The following DPP9 variants were observed in gnomAD, a reference collection of about 807,000 sequenced individuals.
DPP9 encodes dipeptidyl peptidase 9.
A neutral mutation model predicts 110.7 loss-of-function variants in DPP9; 50 were observed. The observed-to-expected ratio is 0.45, with a 90% CI of 0.36 to 0.57. DPP9 has a LOEUF of 0.57. Ranked by LOEUF, DPP9 falls within the 20% of genes least tolerant of loss-of-function variation. DPP9 has a pLI of 0.00. For synonymous variants in DPP9, 561 were observed against 514.4 expected (o/e 1.09, Z -1.23); for missense variants, 1,022 against 1,217.9 (o/e 0.84, Z 2.39).
At chr19:4,708,780 T>TTGGAGGG (rs751648072) in intron 4 of DPP9, among the ~76,000 whole-genome samples, 105 of 152,214 alleles carry the variant, frequency 6.9e-4, no homozygotes, top group Non-Finnish European at 1.1e-3. Context: ...CTGGGGCCTA[T>TTGGAGGG]TGGAGGGTGG....
chr19:4,705,006 A>G (rs1220257575), intron 5 of DPP9, among the ~76,000 whole-genome samples: 3 of 152,002 alleles, frequency 2.0e-5, no homozygotes, highest in Non-Finnish European at 2.9e-5. Flanking sequence ...TCAAAAAAAA[A>G]AGCAGAATCA....
In DPP9 at chr19:4,684,510, T is replaced by A; in HGVS notation, c.2178+153A>T. On this transcript the variant is annotated intron_variant, in intron 18 of 21. Coordinates refer to ENST00000262960, the MANE Select transcript of DPP9 (RefSeq NM_139159.5). The surrounding 1 kb of genome is among the most constrained non-coding windows in gnomAD (Gnocchi z 4.8). ...GCAAAGCATACATCCCCTTTTGTTC[T>A]AAAAGGGCGCCTCATTGAGCCTGCG... The A allele has an allele frequency of 3.6e-6, 3 of 822,710 alleles. No homozygotes were observed. The highest frequency in any genetic ancestry group is 1.9e-6 in the Non-Finnish European group (1 of 533,636). 51.0% of individuals were successfully genotyped at this position (822,710 alleles called of 1,614,324 possible).
At position 4,694,277 on chromosome 19, in the gene DPP9, T is replaced by C. The variant is rs746171540; in HGVS notation, c.1516+384A>G. ...ACAGTTTCTGCTGGGACTACCCAGT[T>C]CTGCTGCTGCAGCACAAAAGCGACC... is the stretch of plus-strand genomic sequence containing the variant. On this transcript the variant is annotated intron_variant, in intron 13 of 21. Transcript: ENST00000262960. The surrounding 1 kb of genome is among the most constrained non-coding windows in gnomAD (Gnocchi z 4.0). The C allele has an allele frequency of 2.6e-6, 1 of 380,212 alleles. No homozygotes were observed. The allele number at this position is 380,212 out of a possible 1,614,324, so 23.6% of individuals were successfully genotyped here.
intron 14 of DPP9, 105 bp downstream of exon 14, chr19:4,690,773 G>A (rs557999741): frequency 2.3e-6 from 2 of 877,372 alleles, no homozygotes; most frequent in African/African-American, 3.3e-5. Flanking sequence ...GAATGAGTAT[G>A]TGTGTGAGTG....
In DPP9 at chr19:4,704,379, C is replaced by G; in HGVS notation, c.427-75G>C. Reference sequence around the variant, plus strand: ...TCCCGCTGGCCAGGGCAGAGATCCTCGGGCTGGGGCATTCCCAGGGAATCT... The same window carrying G: ...TCCCGCTGGCCAGGGCAGAGATCCTGGGGCTGGGGCATTCCCAGGGAATCT... On this transcript the variant is annotated intron_variant, in intron 5 of 21. Transcript: ENST00000262960. The surrounding 1 kb of genome is among the most constrained non-coding windows in gnomAD (Gnocchi z 6.0). The G allele has an allele frequency of 6.6e-7, 1 of 1,515,922 alleles. No homozygotes were observed. Among genetic ancestry groups the G allele is most frequent in the Non-Finnish European group, 8.9e-7 (1 of 1,117,966 alleles). 93.9% of individuals were successfully genotyped at this position (1,515,922 alleles called of 1,614,324 possible).
chr19:4,702,714 A>G lies in DPP9; in HGVS notation c.772T>C (p.Leu258=). 1 of 1,577,844 alleles carries G rather than the reference A, an allele frequency of 6.3e-7. No homozygotes were observed. The highest frequency in any genetic ancestry group is 8.6e-7 in the Non-Finnish European group (1 of 1,161,290). The change falls in exon 8 of 22, where the codon TTA becomes CTA. Residue 258 remains leucine, a splice_region_variant and synonymous_variant. Transcript: ENST00000262960. The part of the protein sequence containing the change: ...ERRLTFCHQG[L]SNVLDDPKSA... ...TTGGGGTCATCCAGGACATTGGATA[A>G]ACCTAGGGGGAGGGACGGAGAGCAT...
At position 4,685,117 on chromosome 19, in the gene DPP9, G is replaced by A. The variant is rs184165016; in HGVS notation, c.2032-308C>T. 2.7e-5 allele frequency: 16 copies of A among 585,728 alleles called. No individual in the cohort carries two copies. The East Asian group carries it at 6.1e-4, about 22-fold the overall frequency. 36.3% of individuals were successfully genotyped at this position (585,728 alleles called of 1,614,324 possible). A position where few individuals can be genotyped will look rare whatever the true frequency, so the allele number is the denominator to read the frequency against. ...TTGGGGTGGCTCCTTCTCGGGTGGG[G>A]CCATCTGGGCACTGCGGGGTGCTGA... On this transcript the variant is annotated intron_variant, in intron 17 of 21. Coordinates refer to ENST00000262960, the MANE Select transcript of DPP9 (RefSeq NM_139159.5). The surrounding 1 kb of genome is among the most constrained non-coding windows in gnomAD (Gnocchi z 5.8).
In DPP9 at chr19:4,679,902, A is replaced by C; in HGVS notation, c.2519T>G (p.Val840Gly). The change falls in exon 21 of 22, where the codon GTG becomes GGG. Residue 840 changes from valine (V) to glycine (G), a missense_variant. By Grantham distance (109) the Val-to-Gly change is moderately radical. Transcript: ENST00000262960. ...GAGGAAGTTTGTGTGGAAAAAGTGC[A>C]CGTTTTCGTCCAGGAAGCCGTGGAG... is the stretch of plus-strand genomic sequence containing the variant. ...LILHGFLDEN[V>G]HFFHTNFLVS... 1 of 1,613,482 alleles carries C rather than the reference A, an allele frequency of 6.2e-7. No individual in the cohort carries two copies. Among genetic ancestry groups the C allele is most frequent in the Non-Finnish European group, 8.5e-7 (1 of 1,179,794 alleles).
chr19:4,713,289 G>GA (rs2092918623), intron 4 of DPP9, among the ~76,000 whole-genome samples: 2 of 152,330 alleles, frequency 1.3e-5, no homozygotes, highest in East Asian at 3.9e-4. Flanking sequence ...CTTCCTCCCA[G>GA]CTCTTAAGGC....
intron 7 of DPP9, 64 bp downstream of exon 7, chr19:4,703,822 T>C (rs2092437318): frequency 1.3e-6 from 2 of 1,524,896 alleles, no homozygotes; most frequent in Non-Finnish European, 1.8e-6. Context: ...GTGGGGGCAA[T>C]GGGGCCTTTC....
chr19:4,686,668 G>A (rs1439706782), intron 16 of DPP9, among the ~76,000 whole-genome samples: 1 of 152,122 alleles, frequency 6.6e-6, no homozygotes, highest in East Asian at 1.9e-4. Context: ...CTCCCAATGT[G>A]CTGGGATTAC....
Position 4,694,574 on chromosome 19 carries a change from T to G in DPP9, c.1516+87A>C, listed in dbSNP as rs2091620451. The G allele has an allele frequency of 6.7e-7, 1 of 1,490,452 alleles. No homozygotes were observed. Among genetic ancestry groups the G allele is most frequent in the Non-Finnish European group, 9.1e-7 (1 of 1,104,682 alleles). The allele number at this position is 1,490,452 out of a possible 1,614,324, so 92.3% of individuals were successfully genotyped here. On this transcript the variant is annotated intron_variant, in intron 13 of 21. Coordinates refer to ENST00000262960, the MANE Select transcript of DPP9 (RefSeq NM_139159.5). This position sits in a 1 kb window ranked among gnomAD's most constrained non-coding sequence, Gnocchi z 4.0. ...TCTCCCGCAGGGTGTGCTGGCTGAG[T>G]GGGGGGGCCGACCAATGAACAAACA... is the stretch of plus-strand genomic sequence containing the variant.
intron 3 of DPP9, chr19:4,719,502 T>C: frequency 3.0e-6 from 1 of 335,106 alleles, no homozygotes; most frequent in South Asian, 3.9e-5. Context: ...GGAGTGATTC[T>C]GCCCCCAGCA....
chr19:4,722,256 T>C (rs2093355133), intron 2 of DPP9: 1 of 508,350 alleles, frequency 2.0e-6, no homozygotes, highest in Non-Finnish European at 3.5e-6. Flanking sequence ...AAATCAGCAC[T>C]CTCCCCTTCC....
chr19:4,680,192 G>A (rs958842764), intron 20 of DPP9, among the ~76,000 whole-genome samples: 6 of 148,072 alleles, frequency 4.1e-5, no homozygotes, highest in Admixed American at 2.7e-4. Flanking sequence ...CGCTGAGATC[G>A]CGCCACTCAC....
chr19:4,699,601 C>T (rs377425717), intron 10 of DPP9, among the ~76,000 whole-genome samples: 5 of 151,960 alleles, frequency 3.3e-5, no homozygotes, highest in South Asian at 2.1e-4. Context: ...CGCCTTGCTG[C>T]GGGGTGATGA....
intron 4 of DPP9, among the ~76,000 whole-genome samples, chr19:4,707,665 G>A (rs991216815): frequency 8.1e-6 from 1 of 124,076 alleles, no homozygotes; most frequent in Non-Finnish European, 1.6e-5. Context: ...TCGCTCTGTC[G>A]CCCAGACTGG....
At chr19:4,677,443 G>A (rs866134523) in intron 21 of DPP9, among the ~76,000 whole-genome samples, 14 of 152,306 alleles carry the variant, frequency 9.2e-5, no homozygotes, top group African/African-American at 3.4e-4. Context: ...AGTGAGATGG[G>A]TTTCTGAATC....
Position 4,714,197 on chromosome 19 carries a change from A to G in DPP9, c.197T>C (p.Ile66Thr), listed in dbSNP as rs1263518235. The G allele has an allele frequency of 1.2e-6, 2 of 1,609,358 alleles. No homozygotes were observed. Among genetic ancestry groups the G allele is most frequent in the Admixed American group, 3.4e-5 (2 of 59,522 alleles). ...QKHSWDGLRS[I>T]IHGSRKYSGL... ...CGAGTACTTGCGGCTGCCGTGGATG[A>G]TGCTCCGGAGCCCGTCCCACGAGTG... The change falls in exon 4 of 22, where the codon ATC becomes ACC. Residue 66 changes from isoleucine to threonine, a missense_variant. Coordinates refer to ENST00000262960, the MANE Select transcript of DPP9 (RefSeq NM_139159.5).
Sources: allele counts gnomAD v4.1 joint callset (sites outside exome capture counted in the v4.1 genomes callset), GRCh38; gene constraint gnomAD v4.1.1; non-coding constraint Gnocchi (gnomAD v3.1); transcripts MANE v1.5; gene names NCBI Gene and HGNC (gene_info 2026-07-23, HGNC 2026-07-21).